Variants in TJP2 observed in about 807,000 individuals in gnomAD.
TJP2 encodes tight junction protein 2.
TJP2 carries 91 observed loss-of-function variants against 133.1 expected under a neutral mutation model. The observed-to-expected ratio is 0.68, with a 90% CI of 0.58 to 0.81. The LOEUF is 0.81. Among genes scored for constraint, TJP2 ranks in the 40% least tolerant of loss-of-function variants. The probability of loss-of-function intolerance (pLI) is 0.00; values close to 1 mark genes in which losing one functional copy is unlikely to be tolerated. For missense variants in TJP2, 1,541 were observed against 1,565.6 expected, an observed-to-expected ratio of 0.98 and a Z score of 0.26; for synonymous variants, 592 against 583.4, an observed-to-expected ratio of 1.01 and a Z score of -0.21.
In TJP2 at chr9:69,205,734, T is replaced by C. The variant is rs541347195; in HGVS notation, c.61-6814T>C. ...GTTTACTTTGATGGCTTGAGACTTT[T>C]ATGAAGCATGTCCCTTACGTGGACA... On this transcript the variant is annotated intron_variant, in intron 1 of 22. Coordinates refer to ENST00000377245, the MANE Select transcript of TJP2 (RefSeq NM_004817.4). Among the ~76,000 whole-genome samples the C allele has an allele frequency of 2.0e-5, 3 of 152,374 alleles. No individual in the cohort carries two copies. In the East Asian group the frequency reaches 5.8e-4, roughly 29 times the overall value.
upstream of TJP2, among the ~76,000 whole-genome samples, chr9:69,171,205 C>T (rs185776369): frequency 7.8e-4 from 119 of 152,282 alleles, 1 homozygote; most frequent in Admixed American, 2.0e-3. Flanking sequence ...ACTTCCCGCT[C>T]GCGTCTCCCC....
At chr9:69,248,750 A>T (rs960164181) in intron 19 of TJP2, 2 of 996,174 alleles carry the variant, frequency 2.0e-6, no homozygotes, top group South Asian at 4.6e-5. Context: ...CTGTGCATCC[A>T]CTGTGATTAG....
rs189277062 is a variant in TJP2, at chr9:69,234,252, G to A, written c.1672-187G>A. 3.3e-5 allele frequency among the ~76,000 whole-genome samples: 5 copies of A among 152,238 alleles called. No homozygotes were observed. In the East Asian group the frequency reaches 9.6e-4, roughly 29 times the overall value. On this transcript the variant is annotated intron_variant, in intron 11 of 22. Coordinates refer to ENST00000377245, the MANE Select transcript of TJP2 (RefSeq NM_004817.4). The stretch of plus-strand genomic sequence containing the variant: ...TGTGCAGGCCCATAGCAAGGTGCTG[G>A]GCGCGAGGACTTGAATAGTGACATT...
chr9:69,206,612 C>G (rs1827432751), intron 1 of TJP2, among the ~76,000 whole-genome samples: 1 of 151,552 alleles, frequency 6.6e-6, no homozygotes, highest in African/African-American at 2.4e-5. Flanking sequence ...GAGTCTTGCT[C>G]TGTTGCCCAG....
At chr9:69,228,197 T>G (rs768345702) in intron 9 of TJP2, 83 bp downstream of exon 9, 9 of 1,526,548 alleles carry the variant, frequency 5.9e-6, no homozygotes, top group African/African-American at 1.4e-5. Flanking sequence ...TGAAATCATG[T>G]CCTTTGCAGC....
intron 20 of TJP2, among the ~76,000 whole-genome samples, chr9:69,250,749 A>G (rs1001730880): frequency 6.6e-6 from 1 of 152,154 alleles, no homozygotes; most frequent in African/African-American, 2.4e-5. Flanking sequence ...CTAGAACAAA[A>G]TTATTCCAGG....
intron 1 of TJP2, among the ~76,000 whole-genome samples, chr9:69,203,111 A>G (rs1353152992): frequency 6.6e-6 from 1 of 151,950 alleles, no homozygotes; most frequent in African/African-American, 2.4e-5. Context: ...GGACTGTCAG[A>G]GTGAAGGAGT....
At chr9:69,170,496 G>A (rs1295277914), upstream of TJP2, among the ~76,000 whole-genome samples, 2 of 152,058 alleles carry the variant, frequency 1.3e-5, no homozygotes, top group Admixed American at 1.3e-4. Context: ...TTGGACATTG[G>A]TGGTTTCCAT....
At chr9:69,231,493 C>T (rs534418115) in intron 11 of TJP2, among the ~76,000 whole-genome samples, 1 of 151,910 alleles carries the variant, frequency 6.6e-6, no homozygotes, top group East Asian at 1.9e-4. Flanking sequence ...GTAAAAAATC[C>T]ATATGTAGTA....
rs368217372 is a variant in TJP2 at position 69,221,052 on chromosome 9, A to G, written c.508A>G (p.Ser170Gly). 111 of 1,603,432 alleles carry G rather than the reference A, an allele frequency of 6.9e-5. No individual in the cohort carries two copies. Among genetic ancestry groups the G allele is most frequent in the South Asian group, 5.9e-4 (53 of 89,656 alleles). Residue 170 changes from serine (S) to glycine (G), a missense_variant, in exon 5 of 23, where the codon AGC becomes GGC. Transcript: ENST00000377245. ...GAACAGCCATGGGGGGCGCAGCCGCAGCTGGGAGGACAGCCCGGAAAGGGG... is the reference window on the plus strand; with the variant it reads ...GAACAGCCATGGGGGGCGCAGCCGCGGCTGGGAGGACAGCCCGGAAAGGGG... Reference protein sequence around the residue: ...RLNSHGGRSRSWEDSPERGRP... With the variant: ...RLNSHGGRSRGWEDSPERGRP...
intron 1 of TJP2, chr9:69,145,623 C>G (rs957644052): frequency 1.2e-6 from 1 of 849,932 alleles, no homozygotes; most frequent in African/African-American, 1.8e-5. Context: ...AAAGGAACAG[C>G]AGCTTCCATT....
intron 20 of TJP2, among the ~76,000 whole-genome samples, chr9:69,250,022 A>G (rs147235491): frequency 6.6e-6 from 1 of 152,348 alleles, no homozygotes; most frequent in African/African-American, 2.4e-5. Context: ...AAGATTATTT[A>G]CCTTTAGTCA....
intron 2 of TJP2, 100 bp from the exon 3 acceptor site, chr9:69,216,239 T>C: frequency 7.0e-7 from 1 of 1,424,700 alleles, no homozygotes; most frequent in Non-Finnish European, 9.8e-7. Flanking sequence ...CTGAACAGTC[T>C]CTGGTTATTG....
chr9:69,189,259 GC>G (rs943526853), intron 1 of TJP2, among the ~76,000 whole-genome samples: 1 of 152,156 alleles, frequency 6.6e-6, no homozygotes, highest in African/African-American at 2.4e-5. Context: ...AGAGCAACCA[GC>G]CCAAGGGGTG....
chr9:69,181,240 C>CTT (rs149100552), intron 1 of TJP2, among the ~76,000 whole-genome samples: 13 of 73,186 alleles, frequency 1.8e-4, no homozygotes, highest in South Asian at 6.4e-4. Flanking sequence ...TTTGCAATTT[C>CTT]TTTTTTTTTT....
chr9:69,159,864 CAA>C (rs529283295), intron 2 of TJP2, among the ~76,000 whole-genome samples: 10 of 87,764 alleles, frequency 1.1e-4, no homozygotes, highest in Admixed American at 3.6e-4. Context: ...GACTCTGTCT[CAA>C]AAAAAAAAAA....
intron 2 of TJP2, among the ~76,000 whole-genome samples, chr9:69,158,299 G>C (rs1823877797): frequency 8.8e-6 from 1 of 113,464 alleles, no homozygotes; most frequent in Admixed American, 1.3e-4. Context: ...CTGCACTCCA[G>C]CCTGAGGGAC....
chr9:69,252,792 C>A, intron 21 of TJP2, 23 bp from the exon 22 acceptor site: 1 of 1,612,052 alleles, frequency 6.2e-7, no homozygotes, highest in Non-Finnish European at 8.5e-7. Flanking sequence ...CACTCTTATT[C>A]TTTTCTTTTT....
At chr9:69,212,683 A>C in intron 2 of TJP2, 82 bp downstream of exon 2, 3 of 1,253,770 alleles carry the variant, frequency 2.4e-6, no homozygotes, top group Non-Finnish European at 3.5e-6. Flanking sequence ...TCACCTACAC[A>C]CAGTTTTGGC....
Sources: gnomAD v4.1 joint callset for allele counts (sites outside exome capture counted in the v4.1 genomes callset) on GRCh38, gnomAD v4.1.1 for gene constraint, MANE v1.5 for transcripts, NCBI Gene and HGNC (gene_info 2026-07-23, HGNC 2026-07-21) for gene names.